DLGAP2: variants seen among roughly 807,000 people sequenced by gnomAD.
The protein encoded by DLGAP2 is DLG associated protein 2.
Under a neutral mutation model 100.3 loss-of-function variants are expected in DLGAP2, and 26 were observed. The ratio of observed to expected loss-of-function variants is 0.26; its 90% confidence interval spans 0.19 to 0.36. DLGAP2 has a LOEUF of 0.36. Among genes scored for constraint, DLGAP2 ranks in the 10% least tolerant of loss-of-function variants. The pLI is 1.00. For synonymous variants in DLGAP2, 886 were observed against 630.1 expected (o/e 1.41, Z -6.08); for missense variants, 1,858 against 1,453.2 (o/e 1.28, Z -4.53).
intron 8 of DLGAP2, among the ~76,000 whole-genome samples, chr8:1,649,761 G>A (rs1409855610): frequency 6.6e-6 from 1 of 152,136 alleles, no homozygotes; most frequent in Non-Finnish European, 1.5e-5. Context: ...GGATCGTGCT[G>A]TGCTTTTTAA....
intron 2 of DLGAP2, among the ~76,000 whole-genome samples, chr8:1,122,070 A>G (rs1346371093): frequency 6.6e-6 from 1 of 152,162 alleles, no homozygotes; most frequent in African/African-American, 2.4e-5. Context: ...GCCCCAAGCC[A>G]TTGAGCCAGA....
intron 3 of DLGAP2, among the ~76,000 whole-genome samples, chr8:1,425,914 G>A (rs1584887594): frequency 6.6e-6 from 1 of 152,164 alleles, no homozygotes; most frequent in South Asian, 2.1e-4. Context: ...AGGAGACTGG[G>A]GAAAAGCAAA....
intron 3 of DLGAP2, among the ~76,000 whole-genome samples, chr8:1,376,189 G>T (rs1802383251): frequency 6.6e-6 from 1 of 152,098 alleles, no homozygotes; most frequent in South Asian, 2.1e-4. Flanking sequence ...AAAGGAATCA[G>T]AATGAGGCAG....
At chr8:1,180,438 C>T (rs1227926694) in intron 2 of DLGAP2, among the ~76,000 whole-genome samples, 1 of 152,230 alleles carries the variant, frequency 6.6e-6, no homozygotes, top group Non-Finnish European at 1.5e-5. Flanking sequence ...CTCAAGCAGT[C>T]CTCTGCTTCA....
At chr8:1,344,965 G>A (rs544841419) in intron 3 of DLGAP2, among the ~76,000 whole-genome samples, 9 of 152,198 alleles carry the variant, frequency 5.9e-5, no homozygotes, top group Non-Finnish European at 1.2e-4. Flanking sequence ...CACTACCAGA[G>A]GGCTAGACCG....
At chr8:1,402,159 A>T (rs370340328) in intron 3 of DLGAP2, among the ~76,000 whole-genome samples, 1 of 1,116 alleles carries the variant, frequency 9.0e-4, no homozygotes, top group Non-Finnish European at 1.4e-3. Flanking sequence ...CTCGTCCTCC[A>T]GAGTCGTGTA....
chr8:1,215,930 C>T (rs985671017), intron 2 of DLGAP2, among the ~76,000 whole-genome samples: 1 of 149,608 alleles, frequency 6.7e-6, no homozygotes, highest in African/African-American at 2.5e-5. Context: ...GTCCAGGTAC[C>T]TGGATGGGTT....
chr8:1,295,326 G>T (rs1183852608), intron 3 of DLGAP2, among the ~76,000 whole-genome samples: 2 of 152,194 alleles, frequency 1.3e-5, no homozygotes, highest in African/African-American at 4.8e-5. Context: ...CTTAAAAACC[G>T]AGCTTCCTGG....
intron 6 of DLGAP2, among the ~76,000 whole-genome samples, chr8:1,567,759 T>C (rs552586996): frequency 5.9e-5 from 9 of 152,306 alleles, no homozygotes; most frequent in South Asian, 2.1e-4. Context: ...CCCAATGTAG[T>C]TGAAACTCTT....
intron 2 of DLGAP2, among the ~76,000 whole-genome samples, chr8:977,049 T>C (rs1800183037): frequency 6.6e-6 from 1 of 152,202 alleles, no homozygotes; most frequent in East Asian, 1.9e-4. Flanking sequence ...ATAAAATACA[T>C]GGATTGGTAG....
intron 3 of DLGAP2, among the ~76,000 whole-genome samples, chr8:1,386,177 A>T (rs942535003): frequency 6.6e-6 from 1 of 152,260 alleles, no homozygotes; most frequent in South Asian, 2.1e-4. Flanking sequence ...ACTCCAACAT[A>T]TGATGACAAA....
At chr8:836,007 T>C (rs1796867065) in intron 1 of DLGAP2, among the ~76,000 whole-genome samples, 2 of 152,322 alleles carry the variant, frequency 1.3e-5, no homozygotes, top group Non-Finnish European at 1.5e-5. Flanking sequence ...TGGAAGACTT[T>C]TTGTCCATGA....
chr8:1,153,624 T>C (rs76568984), intron 2 of DLGAP2, among the ~76,000 whole-genome samples: 4,947 of 152,278 alleles, frequency 0.032, 304 homozygotes, highest in African/African-American at 0.11. Context: ...CAAACCAATA[T>C]TTTTTAGACT....
intron 2 of DLGAP2, among the ~76,000 whole-genome samples, chr8:974,348 A>T (rs528224774): frequency 6.6e-6 from 1 of 152,240 alleles, no homozygotes; most frequent in African/African-American, 2.4e-5. Context: ...GCAAGCAGGA[A>T]AAAAGTTGAT....
chr8:1,249,605 T>C lies in DLGAP2; in HGVS notation c.74-9246T>C, dbSNP rs546194812. The stretch of plus-strand genomic sequence containing the variant: ...GACCACAGGCAAATCACTTCATTTC[T>C]TTGGGCTTCTTTTTCCTGAACTGAA... On this transcript the variant is annotated intron_variant, in intron 2 of 14. Transcript: ENST00000637795. Among the ~76,000 whole-genome samples, 3 of 152,338 alleles carry C rather than the reference T, an allele frequency of 2.0e-5. No individual in the cohort carries two copies. The East Asian group carries it at 5.8e-4, about 29-fold the overall frequency.
Position 1,416,657 on chromosome 8 carries a change from C to T in DLGAP2, c.107-84709C>T, listed in dbSNP as rs1179393003. The stretch of plus-strand genomic sequence containing the variant: ...AAATATCAACATGGAAACTCTGTTT[C>T]TGTGTTGACATTTCAATCCAAAGTG... On this transcript the variant is annotated intron_variant, in intron 3 of 14. Transcript: ENST00000637795. Among the ~76,000 whole-genome samples, 4 of 152,044 alleles carry T rather than the reference C, an allele frequency of 2.6e-5. No individual in the cohort carries two copies. The South Asian group carries it at 8.3e-4, about 32-fold the overall frequency.
intron 2 of DLGAP2, among the ~76,000 whole-genome samples, chr8:1,091,451 A>G (rs1404832340): frequency 4.6e-5 from 7 of 152,178 alleles, no homozygotes; most frequent in African/African-American, 1.4e-4. Flanking sequence ...TCTACTTAAT[A>G]AAGTTACAAA....
intron 1 of DLGAP2, among the ~76,000 whole-genome samples, chr8:798,379 G>A (rs1383280223): frequency 2.0e-5 from 3 of 148,060 alleles, no homozygotes; most frequent in Non-Finnish European, 3.0e-5. Flanking sequence ...CCCCGGTGCT[G>A]GCCAGGTGAC....
At chr8:862,932 C>T (rs1047387632) in intron 1 of DLGAP2, among the ~76,000 whole-genome samples, 1 of 152,160 alleles carries the variant, frequency 6.6e-6, no homozygotes, top group Non-Finnish European at 1.5e-5. Context: ...TAGTACTTTT[C>T]CACTGCCACA....
Sources: gnomAD v4.1 joint callset for allele counts (sites outside exome capture counted in the v4.1 genomes callset) on GRCh38, gnomAD v4.1.1 for gene constraint, MANE v1.5 for transcripts, NCBI Gene and HGNC (gene_info 2026-07-23, HGNC 2026-07-21) for gene names.